The following TFPI variants were observed in gnomAD, a reference collection of about 807,000 sequenced individuals.
The protein encoded by TFPI is tissue factor pathway inhibitor.
A neutral mutation model predicts 34.6 loss-of-function variants in TFPI; 15 were observed. That is an observed-to-expected ratio of 0.43 (90% confidence interval 0.29 to 0.67). The LOEUF (loss-of-function observed/expected upper bound fraction) is 0.67, where lower values mean the gene tolerates loss of function less well. TFPI is among the 30% of genes least tolerant of loss of function. The pLI, the probability that TFPI is intolerant of heterozygous loss-of-function variation, is 0.15. For missense variants in TFPI, 301 were observed against 364.0 expected (o/e 0.83, Z 1.41); for synonymous variants, 105 against 120.1 (o/e 0.87, Z 0.82).
chr2:187,522,453 T>A (rs1687430532), intron 1 of TFPI, among the ~76,000 whole-genome samples: 2 of 152,174 alleles, frequency 1.3e-5, no homozygotes, highest in East Asian at 3.9e-4. Context: ...GTTTTAGTTA[T>A]GCTAGAATAG....
intron 6 of TFPI, among the ~76,000 whole-genome samples, chr2:187,473,811 T>TC (rs1316429989): frequency 6.6e-6 from 1 of 151,098 alleles, no homozygotes; most frequent in African/African-American, 2.4e-5. Context: ...GCTTTTTTTT[T>TC]TCCCCCCGCA....
At chr2:187,494,938 G>A (rs1685371334) in intron 3 of TFPI, among the ~76,000 whole-genome samples, 2 of 152,172 alleles carry the variant, frequency 1.3e-5, no homozygotes, top group South Asian at 4.1e-4. Context: ...GGTGAGGCTG[G>A]TCTAAAATTC....
chr2:187,541,449 T>C (rs1688579305), intron 1 of TFPI, among the ~76,000 whole-genome samples: 1 of 152,054 alleles, frequency 6.6e-6, no homozygotes, highest in African/African-American at 2.4e-5. Flanking sequence ...AACGTAGCCC[T>C]AGGAAGGTGA....
At chr2:187,483,921 C>T in intron 6 of TFPI, 1 of 539,382 alleles carries the variant, frequency 1.9e-6, no homozygotes, top group Non-Finnish European at 3.2e-6. Flanking sequence ...TCAAAGCATA[C>T]TTTAAAATAG....
chr2:187,526,618 AT>A (rs1335888876), intron 1 of TFPI, among the ~76,000 whole-genome samples: 3 of 152,112 alleles, frequency 2.0e-5, no homozygotes, highest in African/African-American at 7.2e-5. Context: ...TATACACATT[AT>A]TTTATCATCT....
At chr2:187,525,522 G>A (rs1687633589) in intron 1 of TFPI, among the ~76,000 whole-genome samples, 1 of 151,886 alleles carries the variant, frequency 6.6e-6, no homozygotes, top group Admixed American at 6.6e-5. Flanking sequence ...TTAAGAAGAG[G>A]GGGTTTGTAG....
chr2:187,552,878 G>A (rs1689142756), intron 1 of TFPI, among the ~76,000 whole-genome samples: 1 of 151,866 alleles, frequency 6.6e-6, no homozygotes, highest in South Asian at 2.1e-4. Context: ...ATATTTTAAA[G>A]TTTTACTCTT....
chr2:187,517,126 C>T (rs919601884), intron 1 of TFPI: 2 of 152,088 alleles, frequency 1.3e-5, no homozygotes, highest in South Asian at 2.1e-4. Context: ...ATTGAGCACA[C>T]GTTTTCTTCG....
chr2:187,542,681 A>G (rs1574532476), intron 1 of TFPI, among the ~76,000 whole-genome samples: 1 of 152,100 alleles, frequency 6.6e-6, no homozygotes, highest in East Asian at 1.9e-4. Context: ...AAGCCTGACC[A>G]ACATGGTGAA....
At chr2:187,546,239 T>C (rs1688851151) in intron 1 of TFPI, among the ~76,000 whole-genome samples, 1 of 151,786 alleles carries the variant, frequency 6.6e-6, no homozygotes, top group South Asian at 2.1e-4. Context: ...TCTCTAAAAA[T>C]GAATGGAATT....
intron 3 of TFPI, among the ~76,000 whole-genome samples, chr2:187,493,041 G>A (rs1685226942): frequency 6.6e-6 from 1 of 152,132 alleles, no homozygotes; most frequent in African/African-American, 2.4e-5. Context: ...GCCCCAGTAG[G>A]GAATCTGTGT....
chr2:187,536,838 A>G (rs1365231200), intron 1 of TFPI, among the ~76,000 whole-genome samples: 1 of 152,232 alleles, frequency 6.6e-6, no homozygotes, highest in African/African-American at 2.4e-5. Context: ...AGAAAACACC[A>G]TCATCTCAGT....
At chr2:187,533,660 C>T (rs369897863) in intron 1 of TFPI, among the ~76,000 whole-genome samples, 22 of 152,320 alleles carry the variant, frequency 1.4e-4, no homozygotes, top group South Asian at 2.1e-4. Flanking sequence ...ATCTCTTCTC[C>T]TCCAAAGGAT....
intron 6 of TFPI, among the ~76,000 whole-genome samples, chr2:187,476,192 A>G (rs537869087): frequency 1.5e-4 from 23 of 152,292 alleles, no homozygotes; most frequent in Middle Eastern, 3.4e-3. Flanking sequence ...ACTCAGATCC[A>G]TGTAATGCAC....
chr2:187,483,809 A>G (rs1693053265), intron 6 of TFPI: 1 of 316,366 alleles, frequency 3.2e-6, no homozygotes, highest in Non-Finnish European at 5.8e-6. Context: ...ACCATCTTAC[A>G]CTGAGGCTGA....
At chr2:187,476,540 A>T (rs771886397) in intron 6 of TFPI, among the ~76,000 whole-genome samples, 3 of 151,958 alleles carry the variant, frequency 2.0e-5, no homozygotes, top group Non-Finnish European at 4.4e-5. Flanking sequence ...GGGTCTCTGC[A>T]TGTCACCCAG....
chr2:187,517,628 G>A (rs946190349), intron 1 of TFPI: 5 of 152,180 alleles, frequency 3.3e-5, no homozygotes, highest in Non-Finnish European at 5.9e-5. Flanking sequence ...TTGATTTGGG[G>A]TTGAGAGTTC....
At chr2:187,482,339 A>G (rs1249782535) in intron 6 of TFPI, among the ~76,000 whole-genome samples, 3 of 152,116 alleles carry the variant, frequency 2.0e-5, no homozygotes, top group African/African-American at 7.2e-5. Flanking sequence ...CGTGCTTTTG[A>G]AAATATAATA....
intron 6 of TFPI, among the ~76,000 whole-genome samples, chr2:187,471,664 T>G (rs1362006323): frequency 6.6e-6 from 1 of 151,908 alleles, no homozygotes; most frequent in Non-Finnish European, 1.5e-5. Flanking sequence ...TACACTTTTT[T>G]TTTTAAATCA....
Sources: allele counts gnomAD v4.1 joint callset (sites outside exome capture counted in the v4.1 genomes callset), GRCh38; gene constraint gnomAD v4.1.1; transcripts MANE v1.5; gene names NCBI Gene and HGNC (gene_info 2026-07-23, HGNC 2026-07-21).